DAGLB: variants seen among roughly 807,000 people sequenced by gnomAD.
DAGLB encodes the protein diacylglycerol lipase beta, also known as diacylglycerol lipase-beta.
A neutral mutation model predicts 72.1 loss-of-function variants in DAGLB; 66 were observed. That is an observed-to-expected ratio of 0.92 (90% CI 0.75 to 1.12). The LOEUF (loss-of-function observed/expected upper bound fraction) is 1.12, where lower values mean the gene tolerates loss of function less well. Ranked by LOEUF, DAGLB falls within the 50% of genes most tolerant of loss-of-function variation. The pLI is 0.00. For synonymous variants in DAGLB, 414 were observed against 359.5 expected (o/e 1.15, Z -1.71); for missense variants, 1,065 against 884.9 (o/e 1.20, Z -2.58).
chr7:6,433,130 T>G (rs1336781050), intron 4 of DAGLB, among the ~76,000 whole-genome samples, 171 bp from the exon 5 acceptor site: 1 of 152,234 alleles, frequency 6.6e-6, no homozygotes, highest in African/African-American at 2.4e-5. Context: ...CTATGTGACC[T>G]GAATATGTTT....
In DAGLB at chr7:6,409,474, G is replaced by A. The variant is rs953333019; in HGVS notation, c.*363C>T. On this transcript the variant is annotated 3_prime_UTR_variant, in exon 15 of 15. Transcript: ENST00000297056. ...GTTGGATGAAAAGAGCTGCCTTGGG[G>A]GTGGGAGGCTAAGGAACTGTTCACG... is the stretch of plus-strand genomic sequence containing the variant. 8 of 251,148 alleles carry A rather than the reference G, an allele frequency of 3.2e-5. No individual in the cohort carries two copies. The highest frequency in any genetic ancestry group is 5.5e-5 in the Non-Finnish European group (7 of 128,424). 15.6% of individuals were successfully genotyped at this position (251,148 alleles called of 1,614,324 possible).
intron 2 of DAGLB, among the ~76,000 whole-genome samples, chr7:6,443,188 G>A (rs1487501747): frequency 7.9e-5 from 10 of 127,360 alleles, no homozygotes; most frequent in African/African-American, 1.8e-4. Context: ...GACTCCATCC[G>A]GAAAAAAAAA....
At chr7:6,447,152 T>G (rs1049600214) in intron 1 of DAGLB, among the ~76,000 whole-genome samples, 1 of 152,208 alleles carries the variant, frequency 6.6e-6, no homozygotes, top group African/African-American at 2.4e-5. Flanking sequence ...AATCTACTTT[T>G]GCATAACAAT....
chr7:6,430,362 T>C, intron 6 of DAGLB, 118 bp downstream of exon 6: 2 of 1,228,888 alleles, frequency 1.6e-6, no homozygotes, highest in Non-Finnish European at 2.1e-6. Context: ...CTGGTGACTC[T>C]AGGTAAAGGA....
intron 11 of DAGLB, among the ~76,000 whole-genome samples, chr7:6,414,812 G>C (rs993962691): frequency 1.1e-4 from 16 of 151,498 alleles, no homozygotes; most frequent in African/African-American, 3.6e-4. Flanking sequence ...TCCAGATATG[G>C]ACGATGGAAA....
chr7:6,439,625 T>C (rs1356637167), intron 2 of DAGLB, among the ~76,000 whole-genome samples: 10 of 152,194 alleles, frequency 6.6e-5, no homozygotes, highest in African/African-American at 2.4e-4. Context: ...AAGCCACACA[T>C]GGCACAAGGC....
At chr7:6,431,561 TAA>T (rs1001536019) in intron 5 of DAGLB, among the ~76,000 whole-genome samples, 1 of 151,884 alleles carries the variant, frequency 6.6e-6, no homozygotes, top group African/African-American at 2.4e-5. Context: ...CACTTGAGGC[TAA>T]GAGTTTGAGA....
chr7:6,430,753 G>T, intron 5 of DAGLB, 146 bp from the exon 6 acceptor site: 1 of 902,928 alleles, frequency 1.1e-6, no homozygotes, highest in Non-Finnish European at 1.5e-6. Flanking sequence ...AGGCAAAACT[G>T]CTCCTTCAAT....
chr7:6,440,741 T>C (rs1784804238), intron 2 of DAGLB, among the ~76,000 whole-genome samples: 1 of 152,042 alleles, frequency 6.6e-6, no homozygotes, highest in African/African-American at 2.4e-5. Context: ...TAGTAGTGTG[T>C]GCCTGTAATC....
In DAGLB at chr7:6,416,680, G is replaced by A. The variant is rs752141063; in HGVS notation, c.1374C>T (p.Ala458=). ...CGTAGCACCTGACCTGCGGGTAGGC[G>A]GCTCTGAGCATGGTGGCCAGCAGGG... ...AAALLATMLR[A]AYPQVRCYAF... The change falls in exon 11 of 15, where the codon GCC becomes GCT. Residue 458 remains alanine (A), a synonymous_variant. Transcript: ENST00000297056. 27 of 1,613,700 alleles carry A rather than the reference G, an allele frequency of 1.7e-5. No individual in the cohort carries two copies. The highest frequency in any genetic ancestry group is 2.2e-5 in the South Asian group (2 of 91,038).
At chr7:6,445,416 T>C (rs1212113300) in intron 2 of DAGLB, among the ~76,000 whole-genome samples, 1 of 152,112 alleles carries the variant, frequency 6.6e-6, no homozygotes, top group Non-Finnish European at 1.5e-5. Context: ...ATGTCCACAA[T>C]AGGCAAATGT....
At chr7:6,411,295 C>G (rs1783719545) in intron 13 of DAGLB, among the ~76,000 whole-genome samples, 1 of 152,154 alleles carries the variant, frequency 6.6e-6, no homozygotes, top group South Asian at 2.1e-4. Context: ...AGGCGTGAGC[C>G]ACCGGGCCCG....
rs943853600 is a variant in DAGLB at position 6,409,471 on chromosome 7, G to GT, written c.*365_*366insA. ...TGAGTTGGATGAAAAGAGCTGCCTT[G>GT]GGGGTGGGAGGCTAAGGAACTGTTC... On this transcript the variant is annotated 3_prime_UTR_variant, in exon 15 of 15. Coordinates refer to ENST00000297056, the MANE Select transcript of DAGLB (RefSeq NM_139179.4). 1 of 196,770 alleles carries GT rather than the reference G, an allele frequency of 5.1e-6. No homozygotes were observed. Among genetic ancestry groups the GT allele is most frequent in the African/African-American group, 5.9e-5 (1 of 16,814 alleles). The allele number at this position is 196,770 out of a possible 1,614,324, so 12.2% of individuals were successfully genotyped here.
At chr7:6,417,465 A>G (rs570142058) in intron 9 of DAGLB, 1 of 153,794 alleles carries the variant, frequency 6.5e-6, no homozygotes, top group East Asian at 1.9e-4. Flanking sequence ...CTTTCCACAG[A>G]TACATTTCTG....
Position 6,416,640 on chromosome 7 carries a change from G to A in DAGLB, c.1414C>T (p.Arg472Trp), listed in dbSNP as rs372658615. ...QVRCYAFSPP[R>W]GLWSKALQEY... ...ACAAAGGCTCACCTCCACAGCCCCCGGGGTGGGGAGAAGGCGTAGCACCTG... is the reference window on the plus strand; with the variant it reads ...ACAAAGGCTCACCTCCACAGCCCCCAGGGTGGGGAGAAGGCGTAGCACCTG... The change falls in exon 11 of 15, where the codon CGG becomes TGG. Residue 472 changes from arginine to tryptophan, a missense_variant. Physicochemically the swap from Arg to Trp is moderately radical, Grantham distance 101 (BLOSUM62 -3). Transcript: ENST00000297056. 47 of 1,610,060 alleles carry A rather than the reference G, an allele frequency of 2.9e-5. No individual in the cohort carries two copies. Among genetic ancestry groups the A allele is most frequent in the Middle Eastern group, 1.7e-4 (1 of 6,006 alleles).
At chr7:6,423,116 G>GTGGCACA (rs1246216088) in intron 8 of DAGLB, among the ~76,000 whole-genome samples, 3 of 152,162 alleles carry the variant, frequency 2.0e-5, no homozygotes, top group Non-Finnish European at 2.9e-5. Flanking sequence ...GCTGGGTGTA[G>GTGGCACA]TGGCACATGC....
At position 6,409,755 on chromosome 7, in the gene DAGLB, A is replaced by C. The variant is rs528991002; in HGVS notation, c.*82T>G. The C allele has an allele frequency of 6.8e-7, 1 of 1,479,498 alleles. No homozygotes were observed. Among genetic ancestry groups the C allele is most frequent in the African/African-American group, 1.4e-5 (1 of 71,828 alleles). The allele number at this position is 1,479,498 out of a possible 1,614,324, so 91.6% of individuals were successfully genotyped here. ...GATGGACATTCGCTGTTTTGGCGTC[A>C]TGGGAACTCCTCGGATGGTAAGTCA... is the stretch of plus-strand genomic sequence containing the variant. On this transcript the variant is annotated 3_prime_UTR_variant, in exon 15 of 15. Coordinates refer to ENST00000297056, the MANE Select transcript of DAGLB (RefSeq NM_139179.4).
chr7:6,435,027 G>A lies in DAGLB; in HGVS notation c.420-7C>T, dbSNP rs1462007036. 4 of 1,612,184 alleles carry A rather than the reference G, an allele frequency of 2.5e-6. No homozygotes were observed. The highest frequency in any genetic ancestry group is 3.4e-6 in the Non-Finnish European group (4 of 1,179,536). On this transcript the variant is annotated splice_region_variant and splice_polypyrimidine_tract_variant and intron_variant, in intron 3 of 14. Transcript: ENST00000297056. The stretch of plus-strand genomic sequence containing the variant: ...GGCAGCGATGATGATCCAACTGCAA[G>A]ACAGAGAGAGGAAAAGGCTCGGTGA...
Position 6,432,885 on chromosome 7 carries a change from G to T in DAGLB, c.753C>A (p.Asn251Lys). ...LLHQQQDNIR[N>K]NQEPAQVVCH... Reference sequence around the variant, plus strand: ...AGACCACCTGGGCAGGCTCTTGGTTGTTCCTGATATTGTCCTGTTGCTGAT... The same window carrying T: ...AGACCACCTGGGCAGGCTCTTGGTTTTTCCTGATATTGTCCTGTTGCTGAT... Residue 251 changes from asparagine to lysine, a missense_variant, in exon 5 of 15, where the codon AAC (asparagine) becomes AAA (lysine). Asn to Lys is a moderately conservative substitution (Grantham distance 94, BLOSUM62 0). Transcript: ENST00000297056. The T allele has an allele frequency of 1.2e-6, 2 of 1,613,930 alleles. No individual in the cohort carries two copies. Among genetic ancestry groups the T allele is most frequent in the Non-Finnish European group, 1.7e-6 (2 of 1,180,032 alleles).
Sources: gnomAD v4.1 joint callset for allele counts (sites outside exome capture counted in the v4.1 genomes callset) on GRCh38, gnomAD v4.1.1 for gene constraint, MANE v1.5 for transcripts, NCBI Gene and HGNC (gene_info 2026-07-23, HGNC 2026-07-21) for gene names.